The following GOLGA1 variants were observed in gnomAD, a reference collection of about 807,000 sequenced individuals.
GOLGA1 encodes golgin A1, also known as golgin subfamily A member 1.
A neutral mutation model predicts 119.7 loss-of-function variants in GOLGA1; 63 were observed. That is an observed-to-expected ratio of 0.53 (90% confidence interval 0.43 to 0.65). GOLGA1 has a LOEUF of 0.65. Among genes scored for constraint, GOLGA1 ranks in the 30% least tolerant of loss-of-function variants. The pLI is 0.00. For synonymous variants in GOLGA1, 318 were observed against 333.4 expected (o/e 0.95, Z 0.50); for missense variants, 798 against 912.8 (o/e 0.87, Z 1.62).
At chr9:124,889,037 G>C in intron 18 of GOLGA1, 106 bp downstream of exon 18, 1 of 832,062 alleles carries the variant, frequency 1.2e-6, no homozygotes, top group Non-Finnish European at 1.9e-6. Context: ...ACATGCAGGG[G>C]AGCGTCGTGT....
rs1007254109 is a variant in GOLGA1 at position 124,946,472 on chromosome 9, G to A, written c.-156+1446C>T. On this transcript the variant is annotated intron_variant, in intron 1 of 4. Coordinates refer to the GOLGA1 transcript ENST00000421514. This position sits in a 1 kb window ranked among gnomAD's most constrained non-coding sequence, Gnocchi z 4.0. ...ATAGATTTAATCTTCCAAAGAATAC[G>A]GTGTAAAAAGTTGCTTTGCAGTTAT... 16 of 152,124 alleles carry A rather than the reference G, an allele frequency of 1.1e-4. No individual in the cohort carries two copies. Among genetic ancestry groups the A allele is most frequent in the African/African-American group, 3.1e-4 (13 of 41,508 alleles). The allele number at this position is 152,124 out of a possible 1,614,324, so 9.4% of individuals were successfully genotyped here.
At chr9:124,889,052 C>G in intron 18 of GOLGA1, 91 bp downstream of exon 18, 1 of 1,001,054 alleles carries the variant, frequency 1.0e-6, no homozygotes, top group South Asian at 1.6e-5. Context: ...TCGTGTCCAC[C>G]ATGTGTCCCC....
At chr9:124,895,650 C>T (rs1371669421) in intron 15 of GOLGA1, among the ~76,000 whole-genome samples, 3 of 148,756 alleles carry the variant, frequency 2.0e-5, no homozygotes, top group South Asian at 2.2e-4. Flanking sequence ...AGAGCCTCCA[C>T]GACAGAGAAC....
intron 3 of GOLGA1, among the ~76,000 whole-genome samples, chr9:124,936,156 G>C (rs1333128883): frequency 6.6e-6 from 1 of 152,112 alleles, no homozygotes; most frequent in Non-Finnish European, 1.5e-5. Flanking sequence ...GGCAAAACAG[G>C]TCCATCTGTC....
At chr9:124,916,834 C>T (rs768780390) in intron 10 of GOLGA1, among the ~76,000 whole-genome samples, 2 of 139,584 alleles carry the variant, frequency 1.4e-5, no homozygotes, top group African/African-American at 5.5e-5. Context: ...CATGATTGCA[C>T]CATTGCACTC....
At chr9:124,887,787 T>C (rs1006905389) in intron 19 of GOLGA1, among the ~76,000 whole-genome samples, 1 of 152,154 alleles carries the variant, frequency 6.6e-6, no homozygotes, top group African/African-American at 2.4e-5. Context: ...GACCATGACA[T>C]TTATTGAGCC....
intron 13 of GOLGA1, 49 bp downstream of exon 13, chr9:124,900,403 A>G: frequency 1.1e-6 from 1 of 942,062 alleles, no homozygotes; most frequent in Non-Finnish European, 1.8e-6. Context: ...AAAGGCCTGG[A>G]GAGAAAGCAT....
rs537748722 is a variant in GOLGA1 at position 124,881,611 on chromosome 9, G to A, written c.2136+173C>T. Among the ~76,000 whole-genome samples, 38 of 152,226 alleles carry A rather than the reference G, an allele frequency of 2.5e-4. No individual in the cohort carries two copies. The highest frequency in any genetic ancestry group is 8.7e-4 in the African/African-American group (36 of 41,544). On this transcript the variant is annotated intron_variant, in intron 21 of 22. Coordinates refer to ENST00000373555, the MANE Select transcript of GOLGA1 (RefSeq NM_002077.4). The surrounding 1 kb of genome is among the most constrained non-coding windows in gnomAD (Gnocchi z 4.9). ...AGCCAGTTCCTGCACGGCCTCTCCC[G>A]CCAGCCGCTCACTCCGCAGGCCAAC...
chr9:124,884,793 T>C (rs1434429724), intron 19 of GOLGA1, among the ~76,000 whole-genome samples: 2 of 152,228 alleles, frequency 1.3e-5, no homozygotes, highest in Non-Finnish European at 2.9e-5. Flanking sequence ...TTTGGTTTCC[T>C]GGATTTTCCT....
chr9:124,939,550 C>CTTTTTTTT lies in GOLGA1; in HGVS notation c.-156+548_-156+555dup, dbSNP rs3051147. Among the ~76,000 whole-genome samples, 715 of 81,752 alleles carry CTTTTTTTT rather than the reference C, an allele frequency of 8.7e-3. 2 individuals carry two copies. The highest frequency in any genetic ancestry group is 0.014 in the Non-Finnish European group (590 of 42,058). 53.6% of individuals were successfully genotyped at this position (81,752 alleles called of 152,430 possible). On this transcript the variant is annotated intron_variant, in intron 2 of 22. Transcript: ENST00000373555. ...TCCAATGAGTTTATTTTCTTTCTTTCTTTTTTTTTTTTTTTTTTTTTTTTT... is the reference window on the plus strand; with the variant it reads ...TCCAATGAGTTTATTTTCTTTCTTTCTTTTTTTTTTTTTTTTTTTTTTTTTTTTTTTTT...
At chr9:124,916,382 T>A (rs1830446689) in intron 10 of GOLGA1, among the ~76,000 whole-genome samples, 1 of 151,366 alleles carries the variant, frequency 6.6e-6, no homozygotes, top group African/African-American at 2.4e-5. Flanking sequence ...AAGAATAAAC[T>A]AGAAAAAAAT....
chr9:124,894,432 C>T lies in GOLGA1; in HGVS notation c.1408-3954G>A, dbSNP rs1311265746. Reference sequence around the variant, plus strand: ...TGTGTGTTTGAAATAGGTTCTTGCTCTGTCATCCAGGCTGGAGTGCAGTGG... The same window carrying T: ...TGTGTGTTTGAAATAGGTTCTTGCTTTGTCATCCAGGCTGGAGTGCAGTGG... On this transcript the variant is annotated intron_variant, in intron 15 of 22. Coordinates refer to ENST00000373555, the MANE Select transcript of GOLGA1 (RefSeq NM_002077.4). 2.6e-5 allele frequency among the ~76,000 whole-genome samples: 4 copies of T among 151,882 alleles called. No homozygotes were observed. In the South Asian group the frequency reaches 8.3e-4, roughly 32 times the overall value.
At position 124,880,597 on chromosome 9, in the gene GOLGA1, C is replaced by G. The variant is rs1025595839; in HGVS notation, c.2237G>C (p.Gly746Ala). ...ETLEYKMSWF[G>A]SKPAPKGSIR... The stretch of plus-strand genomic sequence containing the variant: ...GCTGCCCTTGGGAGCTGGTTTGGAC[C>G]CAAACCATGACATCTGCATTTGAAA... The change falls in exon 23 of 23, where the codon GGG becomes GCG. Residue 746 changes from glycine to alanine, a missense_variant. Transcript: ENST00000373555. 1.9e-6 allele frequency: 3 copies of G among 1,606,016 alleles called. No homozygotes were observed. The highest frequency in any genetic ancestry group is 2.6e-6 in the Non-Finnish European group (3 of 1,173,074).
intron 14 of GOLGA1, 129 bp downstream of exon 14, chr9:124,899,200 A>C (rs78721797): frequency 1.4e-6 from 1 of 710,778 alleles, no homozygotes; most frequent in Non-Finnish European, 2.2e-6. Context: ...TGTCTCAAAC[A>C]AAAAAAAAGC....
At chr9:124,931,433 G>T in intron 3 of GOLGA1, 27 bp from the exon 4 acceptor site, 2 of 1,113,086 alleles carry the variant, frequency 1.8e-6, no homozygotes, top group African/African-American at 1.5e-5. Context: ...AAGGAAGGTC[G>T]TATTCATATA....
intron 3 of GOLGA1, among the ~76,000 whole-genome samples, chr9:124,933,932 G>A (rs751138128): frequency 2.0e-5 from 3 of 152,152 alleles, no homozygotes; most frequent in Non-Finnish European, 2.9e-5. Flanking sequence ...TTTTCCCCAT[G>A]CACCTTTTCC....
chr9:124,930,768 A>G, intron 4 of GOLGA1, among the ~76,000 whole-genome samples: 1 of 152,228 alleles, frequency 6.6e-6, no homozygotes. Flanking sequence ...TCCTCAGGCA[A>G]AGGATATAAT....
Position 124,898,588 on chromosome 9 carries a change from A to G in GOLGA1, c.1368T>C (p.Arg456=), listed in dbSNP as rs142628363. The G allele has an allele frequency of 1.6e-5, 25 of 1,610,130 alleles. No individual in the cohort carries two copies. The African/African-American group carries it at 3.3e-4, about 21-fold the overall frequency. Residue 456 remains arginine (R), a synonymous_variant, in exon 15 of 23, where the codon CGT becomes CGC. Coordinates refer to ENST00000373555, the MANE Select transcript of GOLGA1 (RefSeq NM_002077.4). ...GTTCAAATTGGTGATTTTGTAAAGAACGTTCATATTCATTCCTGCATTCTT... is the reference window on the plus strand; with the variant it reads ...GTTCAAATTGGTGATTTTGTAAAGAGCGTTCATATTCATTCCTGCATTCTT... ...ALKECRNEYE[R]SLQNHQFELK...
At chr9:124,892,890 C>G (rs959788760) in intron 15 of GOLGA1, among the ~76,000 whole-genome samples, 3 of 150,668 alleles carry the variant, frequency 2.0e-5, no homozygotes, top group Non-Finnish European at 4.4e-5. Flanking sequence ...CGAGATCACG[C>G]CATTGCACTC....
Sources: allele counts gnomAD v4.1 joint callset (sites outside exome capture counted in the v4.1 genomes callset), GRCh38; gene constraint gnomAD v4.1.1; non-coding constraint Gnocchi (gnomAD v3.1); transcripts MANE v1.5; gene names NCBI Gene and HGNC (gene_info 2026-07-23, HGNC 2026-07-21).